The following ZMAT4 variants were observed in gnomAD, a reference collection of about 807,000 sequenced individuals.
ZMAT4 encodes the protein zinc finger matrin-type protein 4.
Under a neutral mutation model 28.7 loss-of-function variants are expected in ZMAT4, and 17 were observed. The ratio of observed to expected loss-of-function variants is 0.59; its 90% confidence interval spans 0.41 to 0.89. The LOEUF (loss-of-function observed/expected upper bound fraction) is 0.89. Ranked by LOEUF, ZMAT4 falls within the 40% of genes least tolerant of loss-of-function variation. ZMAT4 has a pLI of 0.00. For synonymous variants in ZMAT4, 117 were observed against 109.2 expected, an observed-to-expected ratio of 1.07 and a Z score of -0.44; for missense variants, 240 against 283.8, an observed-to-expected ratio of 0.85 and a Z score of 1.11.
chr8:40,714,597 A>T lies in ZMAT4; in HGVS notation c.193-17196T>A, dbSNP rs575796320. 2.2e-4 allele frequency among the ~76,000 whole-genome samples: 34 copies of T among 152,340 alleles called. No homozygotes were observed. The East Asian group carries it at 6.0e-3, about 27-fold the overall frequency. The stretch of plus-strand genomic sequence containing the variant: ...CTCCACCAGGCACTGTCCTGGGGAC[A>T]GTGCAGAATGCAATCCATTGATGCC... On this transcript the variant is annotated intron_variant, in intron 3 of 6. Transcript: ENST00000297737.
chr8:40,541,485 A>G (rs1803026611), intron 6 of ZMAT4, among the ~76,000 whole-genome samples: 1 of 152,214 alleles, frequency 6.6e-6, no homozygotes, highest in Non-Finnish European at 1.5e-5. Context: ...TAAATATAAA[A>G]TAATTAAAAT....
chr8:40,697,457 A>T, intron 3 of ZMAT4, 56 bp from the exon 4 acceptor site: 1 of 1,427,652 alleles, frequency 7.0e-7, no homozygotes, highest in Non-Finnish European at 9.3e-7. Context: ...ATTCTTTTAC[A>T]AATGAGACTT....
chr8:40,868,774 G>A (rs10110040), intron 1 of ZMAT4, among the ~76,000 whole-genome samples: 22,151 of 152,058 alleles, frequency 0.15, 2,062 homozygotes, highest in East Asian at 0.4. Context: ...GTGCCTGCCC[G>A]TGCCTCTCCA....
intron 1 of ZMAT4, among the ~76,000 whole-genome samples, chr8:40,828,664 C>A (rs1449334203): frequency 1.3e-5 from 2 of 152,104 alleles, no homozygotes; most frequent in African/African-American, 2.4e-5. Context: ...GCAATAAGGA[C>A]CCCTCTGAAA....
In ZMAT4 at chr8:40,737,455, G is replaced by C. The variant is rs567188399; in HGVS notation, c.192+30186C>G. On this transcript the variant is annotated intron_variant, in intron 3 of 6. Coordinates refer to ENST00000297737, the MANE Select transcript of ZMAT4 (RefSeq NM_024645.3). ...GTGGTCAGAAATAGAAGGAAAAGGAGGAGGAAGAAAAGTCACTGAATCCAA... is the reference window on the plus strand; with the variant it reads ...GTGGTCAGAAATAGAAGGAAAAGGACGAGGAAGAAAAGTCACTGAATCCAA... 4.6e-5 allele frequency among the ~76,000 whole-genome samples: 7 copies of C among 152,170 alleles called. No homozygotes were observed. The South Asian group carries it at 8.3e-4, about 18-fold the overall frequency.
At chr8:40,829,177 G>C (rs939377785) in intron 1 of ZMAT4, among the ~76,000 whole-genome samples, 1 of 152,144 alleles carries the variant, frequency 6.6e-6, no homozygotes, top group Non-Finnish European at 1.5e-5. Context: ...ACAAGAGTAG[G>C]GGAAGACAGG....
At chr8:40,589,356 C>T (rs1343698601) in intron 5 of ZMAT4, among the ~76,000 whole-genome samples, 1 of 152,132 alleles carries the variant, frequency 6.6e-6, no homozygotes, top group Non-Finnish European at 1.5e-5. Flanking sequence ...GTGAATATTG[C>T]CTCCTATGAC....
chr8:40,539,154 ACTGT>A (rs1215467478), intron 6 of ZMAT4, among the ~76,000 whole-genome samples: 2 of 152,060 alleles, frequency 1.3e-5, no homozygotes, highest in African/African-American at 4.8e-5. Flanking sequence ...TATTTTATGT[ACTGT>A]CTGTGTCCTC....
intron 2 of ZMAT4, among the ~76,000 whole-genome samples, chr8:40,805,807 G>C (rs1290483831): frequency 7.8e-6 from 1 of 128,848 alleles, no homozygotes; most frequent in Non-Finnish European, 1.6e-5. Context: ...GGGGAGGGGG[G>C]AGGGATGGCA....
At chr8:40,651,467 A>G (rs1217042146) in intron 5 of ZMAT4, among the ~76,000 whole-genome samples, 8 of 148,214 alleles carry the variant, frequency 5.4e-5, no homozygotes, top group East Asian at 2.0e-4. Flanking sequence ...GCTCATGGGT[A>G]GGAAAAATCA....
chr8:40,554,962 C>T (rs902003044), intron 6 of ZMAT4, among the ~76,000 whole-genome samples: 1 of 152,118 alleles, frequency 6.6e-6, no homozygotes, highest in African/African-American at 2.4e-5. Context: ...TCCACCTCCT[C>T]ACCTATACCC....
At chr8:40,890,030 A>G (rs997693545) in intron 1 of ZMAT4, among the ~76,000 whole-genome samples, 1 of 152,238 alleles carries the variant, frequency 6.6e-6, no homozygotes, top group Non-Finnish European at 1.5e-5. Flanking sequence ...CTAATCTGTT[A>G]AATGGATAAC....
intron 5 of ZMAT4, among the ~76,000 whole-genome samples, chr8:40,587,921 T>C (rs1804721211): frequency 6.6e-6 from 1 of 151,976 alleles, no homozygotes; most frequent in Non-Finnish European, 1.5e-5. Flanking sequence ...AGACATCCTA[T>C]GAAAATAAGT....
chr8:40,794,644 G>C (rs1156406388), intron 2 of ZMAT4, among the ~76,000 whole-genome samples: 1 of 152,122 alleles, frequency 6.6e-6, no homozygotes, highest in Non-Finnish European at 1.5e-5. Flanking sequence ...AGCGTGGTCT[G>C]GGTTTTAGCT....
At chr8:40,622,499 T>A (rs1360214022) in intron 5 of ZMAT4, among the ~76,000 whole-genome samples, 3 of 152,238 alleles carry the variant, frequency 2.0e-5, no homozygotes, top group African/African-American at 7.2e-5. Flanking sequence ...GTTGCACAAA[T>A]CTCTTCCCTT....
At chr8:40,684,749 G>C (rs1809324900) in intron 4 of ZMAT4, among the ~76,000 whole-genome samples, 1 of 152,330 alleles carries the variant, frequency 6.6e-6, no homozygotes, top group South Asian at 2.1e-4. Context: ...TGCAGGCTAA[G>C]TTTAGAGGAA....
intron 5 of ZMAT4, among the ~76,000 whole-genome samples, chr8:40,624,084 G>A (rs1159451899): frequency 6.6e-6 from 1 of 152,136 alleles, no homozygotes. Context: ...ATGTGTATGT[G>A]TCTGCTATGG....
intron 3 of ZMAT4, among the ~76,000 whole-genome samples, chr8:40,760,783 T>G (rs1281472604): frequency 6.6e-6 from 1 of 151,924 alleles, no homozygotes; most frequent in Non-Finnish European, 1.5e-5. Context: ...TTTCTCTCTC[T>G]CTCTCTCTCG....
chr8:40,581,622 A>T (rs536703845), intron 5 of ZMAT4, among the ~76,000 whole-genome samples: 8 of 152,348 alleles, frequency 5.3e-5, no homozygotes, highest in African/African-American at 1.9e-4. Flanking sequence ...GAGACTCCAG[A>T]GAAAAACTCT....
Sources: allele counts gnomAD v4.1 joint callset (sites outside exome capture counted in the v4.1 genomes callset), GRCh38; gene constraint gnomAD v4.1.1; transcripts MANE v1.5; gene names NCBI Gene and HGNC (gene_info 2026-07-23, HGNC 2026-07-21).